OSBP2: variants seen among roughly 807,000 people sequenced by gnomAD.
OSBP2 encodes the protein oxysterol binding protein 2.
Under a neutral mutation model 96.0 loss-of-function variants are expected in OSBP2, and 66 were observed. The ratio of observed to expected loss-of-function variants is 0.69; its 90% CI spans 0.56 to 0.84. The LOEUF is 0.84. Among genes scored for constraint, OSBP2 ranks in the 40% least tolerant of loss-of-function variants. The pLI, the probability that OSBP2 is intolerant of heterozygous loss-of-function variation, is 0.00. For missense variants in OSBP2, 1,038 were observed against 1,222.7 expected (o/e 0.85, Z 2.25); for synonymous variants, 525 against 520.9 (o/e 1.01, Z -0.11).
At chr22:30,787,214 T>C (rs537381905) in intron 2 of OSBP2, among the ~76,000 whole-genome samples, 86 of 152,164 alleles carry the variant, frequency 5.7e-4, no homozygotes, top group Middle Eastern at 3.4e-3. Context: ...AGACTCACAG[T>C]TGAGTATGGC....
intron 2 of OSBP2, among the ~76,000 whole-genome samples, chr22:30,861,478 G>A (rs2039209731): frequency 6.6e-6 from 1 of 152,208 alleles, no homozygotes; most frequent in Non-Finnish European, 1.5e-5. Flanking sequence ...CTACGGAGAG[G>A]CCCCGAGAAC....
intron 2 of OSBP2, among the ~76,000 whole-genome samples, chr22:30,748,366 T>C (rs2090033595): frequency 1.3e-5 from 2 of 152,222 alleles, no homozygotes; most frequent in Admixed American, 6.5e-5. Flanking sequence ...CCACTGCACC[T>C]GGCCTAAACT....
intron 2 of OSBP2, among the ~76,000 whole-genome samples, chr22:30,825,976 G>A (rs1194881953): frequency 1.3e-5 from 2 of 152,160 alleles, no homozygotes; most frequent in African/African-American, 4.8e-5. Context: ...GGACATACCA[G>A]GTCAGGCGGT....
At position 30,871,730 on chromosome 22, in the gene OSBP2, C is replaced by T. The variant is rs1233848540; in HGVS notation, c.1107+1048C>T. 6.6e-6 allele frequency among the ~76,000 whole-genome samples: 1 copy of T among 152,178 alleles called. No homozygotes were observed. The highest frequency in any genetic ancestry group is 2.4e-5 in the African/African-American group (1 of 41,438). On this transcript the variant is annotated intron_variant, in intron 3 of 13. Transcript: ENST00000332585. This position sits in a 1 kb window ranked among gnomAD's most constrained non-coding sequence, Gnocchi z 4.7. The stretch of plus-strand genomic sequence containing the variant: ...TGGGAGCTGGGACCAAGCTCCAGGC[C>T]CCGCAAGAAATGCAAGGGCAGGGTG...
chr22:30,743,569 A>G (rs2089966428), intron 2 of OSBP2, among the ~76,000 whole-genome samples: 1 of 152,148 alleles, frequency 6.6e-6, no homozygotes, highest in African/African-American at 2.4e-5. Flanking sequence ...GTGGGAAGCC[A>G]CTGTGGCAAA....
chr22:30,730,831 A>G (rs2089767558), intron 1 of OSBP2, among the ~76,000 whole-genome samples: 1 of 112,204 alleles, frequency 8.9e-6, no homozygotes, highest in African/African-American at 3.4e-5. Context: ...TTTCCCATGG[A>G]CATTTTTGGG....
intron 2 of OSBP2, among the ~76,000 whole-genome samples, chr22:30,843,539 G>T (rs1316888568): frequency 6.6e-6 from 1 of 150,798 alleles, no homozygotes; most frequent in Non-Finnish European, 1.5e-5. Context: ...AGGCTTCATT[G>T]TTCCATTTAT....
intron 2 of OSBP2, among the ~76,000 whole-genome samples, chr22:30,776,287 G>A (rs892648897): frequency 3.3e-5 from 5 of 151,636 alleles, no homozygotes; most frequent in Non-Finnish European, 2.9e-5. Flanking sequence ...CACCATGCCT[G>A]GCTAATTTTT....
chr22:30,783,364 G>A (rs985838527), intron 2 of OSBP2, among the ~76,000 whole-genome samples: 12 of 128,732 alleles, frequency 9.3e-5, no homozygotes, highest in Non-Finnish European at 1.7e-4. Flanking sequence ...TGCCCAGGCT[G>A]GAGTGCAGTG....
intron 2 of OSBP2, among the ~76,000 whole-genome samples, chr22:30,834,957 A>G (rs1008020760): frequency 2.0e-5 from 3 of 151,998 alleles, no homozygotes; most frequent in African/African-American, 4.8e-5. Flanking sequence ...CTGAGAATAC[A>G]GGCATGCACC....
At chr22:30,825,317 A>G (rs1421758486) in intron 2 of OSBP2, among the ~76,000 whole-genome samples, 1 of 152,134 alleles carries the variant, frequency 6.6e-6, no homozygotes, top group Non-Finnish European at 1.5e-5. Flanking sequence ...GTGAAACCCC[A>G]TCCTTACTAA....
chr22:30,709,680 C>CAAATTAGTCTAATTATTT (rs2089313894), intron 1 of OSBP2, among the ~76,000 whole-genome samples: 1 of 151,310 alleles, frequency 6.6e-6, no homozygotes, highest in East Asian at 1.9e-4. Flanking sequence ...CGCACCTGGC[C>CAAATTAGTCTAATTATTT]AAATTAGTCT....
chr22:30,876,565 C>T (rs540143114), intron 3 of OSBP2, among the ~76,000 whole-genome samples: 3 of 152,336 alleles, frequency 2.0e-5, no homozygotes, highest in East Asian at 1.9e-4. Flanking sequence ...CAGCCTCTCC[C>T]GACCCGTTCC....
intron 2 of OSBP2, among the ~76,000 whole-genome samples, chr22:30,766,816 C>T (rs1183723072): frequency 6.6e-6 from 1 of 152,032 alleles, no homozygotes; most frequent in Non-Finnish European, 1.5e-5. Context: ...AGAGAAAAAC[C>T]AGTGCTCAGT....
chr22:30,702,653 A>G (rs2089183015), intron 1 of OSBP2, among the ~76,000 whole-genome samples: 1 of 152,106 alleles, frequency 6.6e-6, no homozygotes, highest in South Asian at 2.1e-4. Context: ...AAAACAAAAC[A>G]GTACCTTCTC....
At chr22:30,777,547 C>CT (rs1026184098) in intron 2 of OSBP2, among the ~76,000 whole-genome samples, 88 of 152,292 alleles carry the variant, frequency 5.8e-4, no homozygotes, top group African/African-American at 2.0e-3. Context: ...TTGGATATGT[C>CT]TTTATCAGCA....
At chr22:30,858,068 G>A in intron 2 of OSBP2, among the ~76,000 whole-genome samples, 1 of 152,118 alleles carries the variant, frequency 6.6e-6, no homozygotes, top group Non-Finnish European at 1.5e-5. Context: ...GCCTCGCCAA[G>A]GGGGACCAAT....
intron 3 of OSBP2, among the ~76,000 whole-genome samples, chr22:30,880,917 T>G (rs193135550): frequency 6.6e-6 from 1 of 152,270 alleles, no homozygotes; most frequent in East Asian, 1.9e-4. Context: ...TTCCCCTGGG[T>G]GGGCAGCCCT....
intron 2 of OSBP2, among the ~76,000 whole-genome samples, chr22:30,754,117 A>T (rs2090112410): frequency 6.6e-6 from 1 of 152,100 alleles, no homozygotes; most frequent in African/African-American, 2.4e-5. Flanking sequence ...CTGCTTGGGG[A>T]AAAAATAGAT....
Sources: gnomAD v4.1 joint callset for allele counts (sites outside exome capture counted in the v4.1 genomes callset) on GRCh38, gnomAD v4.1.1 for gene constraint, Gnocchi (gnomAD v3.1) non-coding constraint, MANE v1.5 for transcripts, NCBI Gene and HGNC (gene_info 2026-07-23, HGNC 2026-07-21) for gene names.